Variants in UBE2E2 observed in about 807,000 individuals in gnomAD.
UBE2E2 encodes ubiquitin conjugating enzyme E2 E2, also known as ubiquitin-conjugating enzyme E2 E2.
In UBE2E2, 6 loss-of-function variants were observed where a neutral mutation model predicts 24.7. The ratio of observed to expected loss-of-function variants is 0.24; its 90% confidence interval spans 0.13 to 0.48. The LOEUF is 0.48. Among genes scored for constraint, UBE2E2 ranks in the 20% least tolerant of loss-of-function variants. The probability of loss-of-function intolerance (pLI) is 0.99; values close to 1 mark genes in which losing one functional copy is unlikely to be tolerated. For synonymous variants in UBE2E2, 104 were observed against 83.6 expected, an observed-to-expected ratio of 1.24 and a Z score of -1.33; for missense variants, 169 against 245.0, an observed-to-expected ratio of 0.69 and a Z score of 2.07.
chr3:23,400,122 C>G (rs1377845621), intron 3 of UBE2E2, among the ~76,000 whole-genome samples: 6 of 152,222 alleles, frequency 3.9e-5, no homozygotes, highest in Non-Finnish European at 1.5e-5. Flanking sequence ...CAGATAAAGT[C>G]TTATGAAACT....
chr3:23,375,795 C>T (rs1696506797), intron 3 of UBE2E2, among the ~76,000 whole-genome samples: 1 of 152,130 alleles, frequency 6.6e-6, no homozygotes, highest in African/African-American at 2.4e-5. Context: ...AAACCCTTAA[C>T]AAGTGCAGAT....
chr3:23,334,384 A>G (rs1187433769), intron 3 of UBE2E2, among the ~76,000 whole-genome samples: 1 of 152,074 alleles, frequency 6.6e-6, no homozygotes, highest in African/African-American at 2.4e-5. Context: ...CTCTTTCTCC[A>G]TCACTATTGA....
intron 3 of UBE2E2, among the ~76,000 whole-genome samples, chr3:23,295,083 G>T (rs1347057421): frequency 6.6e-6 from 1 of 152,062 alleles, no homozygotes; most frequent in Non-Finnish European, 1.5e-5. Flanking sequence ...CTCTTCTTCT[G>T]TTGTTATTGC....
intron 3 of UBE2E2, among the ~76,000 whole-genome samples, chr3:23,391,516 G>A (rs1011638288): frequency 3.3e-5 from 5 of 152,136 alleles, no homozygotes; most frequent in African/African-American, 1.2e-4. Flanking sequence ...ATCTTGTTAT[G>A]AACCCAGTTA....
chr3:23,349,279 C>A (rs1043489228), intron 3 of UBE2E2, among the ~76,000 whole-genome samples: 1 of 152,194 alleles, frequency 6.6e-6, no homozygotes, highest in Non-Finnish European at 1.5e-5. Context: ...GGAACAGCTC[C>A]AGTCTACAGC....
intron 5 of UBE2E2, among the ~76,000 whole-genome samples, chr3:23,587,956 C>T (rs909244816): frequency 2.6e-5 from 4 of 152,286 alleles, no homozygotes; most frequent in East Asian, 3.9e-4. Context: ...ATAATTATTA[C>T]GAGATTTACA....
intron 3 of UBE2E2, among the ~76,000 whole-genome samples, chr3:23,347,311 C>T (rs1351254540): frequency 6.6e-6 from 1 of 152,192 alleles, no homozygotes; most frequent in African/African-American, 2.4e-5. Context: ...CCCAAATGTC[C>T]ATCAATAATA....
At chr3:23,391,647 A>T (rs952684598) in intron 3 of UBE2E2, among the ~76,000 whole-genome samples, 1 of 152,168 alleles carries the variant, frequency 6.6e-6, no homozygotes, top group Non-Finnish European at 1.5e-5. Flanking sequence ...TTTGTTTCCT[A>T]AGCTTATATA....
chr3:23,487,947 T>G (rs1699412629), intron 3 of UBE2E2, among the ~76,000 whole-genome samples: 1 of 151,828 alleles, frequency 6.6e-6, no homozygotes, highest in Non-Finnish European at 1.5e-5. Flanking sequence ...GAAGAGACAG[T>G]GTTGATGGGT....
intron 3 of UBE2E2, among the ~76,000 whole-genome samples, chr3:23,349,755 C>G (rs1695677369): frequency 6.6e-6 from 1 of 152,242 alleles, no homozygotes; most frequent in Admixed American, 6.5e-5. Context: ...TGGAGCCCAC[C>G]ACAGCCCAAG....
intron 3 of UBE2E2, among the ~76,000 whole-genome samples, chr3:23,262,764 T>A (rs949216973): frequency 6.6e-6 from 1 of 152,182 alleles, no homozygotes; most frequent in African/African-American, 2.4e-5. Context: ...TTTAGTTTTA[T>A]GTAGTTTTAT....
rs149906134 is a variant in UBE2E2 at position 23,471,412 on chromosome 3, A to G, written c.228-28196A>G. ...TAAGGACAAACTGCCAACAACTACA[A>G]AATCAGTGTGGGATCAGTAAATGTG... is the stretch of plus-strand genomic sequence containing the variant. On this transcript the variant is annotated intron_variant, in intron 3 of 5. Transcript: ENST00000396703. Among the ~76,000 whole-genome samples, 14 of 152,322 alleles carry G rather than the reference A, an allele frequency of 9.2e-5. No individual in the cohort carries two copies. The East Asian group carries it at 2.1e-3, about 23-fold the overall frequency.
intron 3 of UBE2E2, chr3:23,449,783 C>T (rs1698521443): frequency 1.4e-6 from 1 of 732,566 alleles, no homozygotes; most frequent in African/African-American, 1.9e-5. Flanking sequence ...ATCCAGTAAG[C>T]AGTGTTTTTA....
chr3:23,424,241 CATAATCTGCAGT>C (rs1366867118), intron 3 of UBE2E2, among the ~76,000 whole-genome samples: 1 of 151,974 alleles, frequency 6.6e-6, no homozygotes, highest in Non-Finnish European at 1.5e-5. Context: ...AGAAAAGCTA[CATAATCTGCAGT>C]ATAATATTAA....
At chr3:23,264,545 C>T (rs553301933) in intron 3 of UBE2E2, among the ~76,000 whole-genome samples, 10 of 152,142 alleles carry the variant, frequency 6.6e-5, no homozygotes, top group South Asian at 2.1e-4. Context: ...ATGGGACTGC[C>T]TCTTTTGATC....
At chr3:23,546,625 C>T (rs1360137452) in intron 5 of UBE2E2, among the ~76,000 whole-genome samples, 1 of 151,502 alleles carries the variant, frequency 6.6e-6, no homozygotes, top group East Asian at 1.9e-4. Flanking sequence ...AGGCATGCAC[C>T]ACCACGCCTG....
chr3:23,465,203 G>A (rs1353397143), intron 3 of UBE2E2, among the ~76,000 whole-genome samples: 1 of 152,066 alleles, frequency 6.6e-6, no homozygotes, highest in Non-Finnish European at 1.5e-5. Context: ...TAGCTTCATT[G>A]AGGGAACTGA....
chr3:23,446,213 G>T (rs959794676), intron 3 of UBE2E2, among the ~76,000 whole-genome samples: 8 of 152,226 alleles, frequency 5.3e-5, no homozygotes, highest in African/African-American at 1.9e-4. Flanking sequence ...ATCAAAGAAG[G>T]TCCACCTTTT....
In UBE2E2 at chr3:23,245,831, C is replaced by G. The variant is rs75894752; in HGVS notation, c.227+28519C>G. Among the ~76,000 whole-genome samples the G allele has an allele frequency of 2.9e-3, 438 of 152,234 alleles. 1 individual carries two copies. The highest frequency in any genetic ancestry group is 4.8e-3 in the Admixed American group (73 of 15,300). ...CTTTGTAAAATGAAGAAAAACCATG[C>G]CTCTTTGAGTTCATAAACTGTGTTT... is the stretch of plus-strand genomic sequence containing the variant. On this transcript the variant is annotated intron_variant, in intron 3 of 5. Transcript: ENST00000396703.
Sources: gnomAD v4.1 joint callset for allele counts (sites outside exome capture counted in the v4.1 genomes callset) on GRCh38, gnomAD v4.1.1 for gene constraint, MANE v1.5 for transcripts, NCBI Gene and HGNC (gene_info 2026-07-23, HGNC 2026-07-21) for gene names.